Variants in AK7 observed in about 807,000 individuals in gnomAD.
The protein encoded by AK7 is ATP-AMP transphosphorylase 7.
AK7 carries 78 observed loss-of-function variants against 96.6 expected under a neutral mutation model. The ratio of observed to expected loss-of-function variants is 0.81; its 90% CI spans 0.67 to 0.97. The LOEUF (loss-of-function observed/expected upper bound fraction) is 0.97. Ranked by LOEUF, AK7 falls within the 50% of genes least tolerant of loss-of-function variation. AK7 has a pLI of 0.00. For missense variants in AK7, 855 were observed against 887.9 expected (o/e 0.96, Z 0.47); for synonymous variants, 302 against 317.2 (o/e 0.95, Z 0.51).
chr14:96,423,899 A>G (rs1222458542), intron 5 of AK7: 3 of 1,007,524 alleles, frequency 3.0e-6, no homozygotes, highest in Non-Finnish European at 4.7e-6. Flanking sequence ...CCGAGCCCAC[A>G]TAATCCGGAG....
rs769274616 is a variant in AK7 at position 96,408,962 on chromosome 14, C to T, written c.498+21C>T. Reference sequence around the variant, plus strand: ...ACCCCGTAAGTAGAGCGTTAGCTTTCCTTTAGGTAACATTTCAGCCATAAC... The same window carrying T: ...ACCCCGTAAGTAGAGCGTTAGCTTTTCTTTAGGTAACATTTCAGCCATAAC... On this transcript the variant is annotated intron_variant, in intron 4 of 17. Transcript: ENST00000267584. The T allele has an allele frequency of 9.3e-6, 15 of 1,610,494 alleles. No homozygotes were observed. In the East Asian group the frequency reaches 2.9e-4, roughly 31 times the overall value.
chr14:96,433,464 G>T (rs1369753382), intron 5 of AK7, among the ~76,000 whole-genome samples: 2 of 152,032 alleles, frequency 1.3e-5, no homozygotes, highest in African/African-American at 4.8e-5. Context: ...GATCAAATCA[G>T]CTACTGAAGC....
chr14:96,420,789 A>G, intron 4 of AK7, 33 bp from the exon 5 acceptor site: 4 of 1,491,958 alleles, frequency 2.7e-6, no homozygotes, highest in Non-Finnish European at 1.9e-6. Context: ...CTAATTCACC[A>G]AGTCTGTACC....
chr14:96,463,090 T>C (rs1190797627), intron 12 of AK7, among the ~76,000 whole-genome samples: 1 of 151,954 alleles, frequency 6.6e-6, no homozygotes, highest in Admixed American at 6.6e-5. Context: ...TGAGCTGAGA[T>C]TGTGCCATTG....
At chr14:96,448,056 G>A (rs559706799) in intron 8 of AK7, among the ~76,000 whole-genome samples, 2 of 151,256 alleles carry the variant, frequency 1.3e-5, no homozygotes, top group East Asian at 3.9e-4. Flanking sequence ...TTGAGCCCAG[G>A]AGGCAGAGGT....
At chr14:96,411,750 C>G (rs749056264) in intron 4 of AK7, among the ~76,000 whole-genome samples, 1 of 152,152 alleles carries the variant, frequency 6.6e-6, no homozygotes, top group Non-Finnish European at 1.5e-5. Context: ...TTGTCCCCAA[C>G]AAGTCTAATT....
chr14:96,465,244 G>A (rs916124537), intron 12 of AK7, among the ~76,000 whole-genome samples: 3 of 152,094 alleles, frequency 2.0e-5, no homozygotes, highest in African/African-American at 7.2e-5. Flanking sequence ...GGCGGATCAC[G>A]AGGTCAGGAG....
At chr14:96,440,269 G>C (rs758435239) in intron 6 of AK7, among the ~76,000 whole-genome samples, 1 of 152,104 alleles carries the variant, frequency 6.6e-6, no homozygotes, top group African/African-American at 2.4e-5. Flanking sequence ...CACCGTGCCC[G>C]GCCTCGAACT....
intron 4 of AK7, among the ~76,000 whole-genome samples, chr14:96,415,748 T>TAATTAATTTAATACATTAACTAATTA (rs1891297616): frequency 7.5e-6 from 1 of 133,962 alleles, no homozygotes. Context: ...TTAATTAAAT[T>TAATTAATTTAATACATTAACTAATTA]AATTAATTTA....
In AK7 at chr14:96,392,235, C is replaced by T. The variant is rs12891542; in HGVS notation, c.81C>T (p.Ser27=). 1 of 1,613,158 alleles carries T rather than the reference C, an allele frequency of 6.2e-7. No individual in the cohort carries two copies. The highest frequency in any genetic ancestry group is 8.5e-7 in the Non-Finnish European group (1 of 1,179,220). ...GGGTGTTTATAAACCTGTTGGATTC[C>T]TACAGCAGCGGAAACATCGGGAAGG... ...TQRVFINLLD[S]YSSGNIGKFL... is the part of the protein sequence containing the mutation. The change falls in exon 1 of 18, where the codon TCC becomes TCT. Residue 27 remains serine, a synonymous_variant. Transcript: ENST00000267584.
intron 5 of AK7, among the ~76,000 whole-genome samples, chr14:96,430,925 C>T (rs375693786): frequency 6.6e-6 from 1 of 152,110 alleles, no homozygotes; most frequent in African/African-American, 2.4e-5. Flanking sequence ...GGTTGGTAGA[C>T]TATTAATTAT....
intron 3 of AK7, among the ~76,000 whole-genome samples, chr14:96,408,304 G>A (rs935668858): frequency 6.6e-6 from 1 of 152,242 alleles, no homozygotes; most frequent in African/African-American, 2.4e-5. Flanking sequence ...GGTACAGCAT[G>A]GGCCTGGCAC....
chr14:96,465,082 C>G (rs1293934160), intron 12 of AK7, among the ~76,000 whole-genome samples: 1 of 152,156 alleles, frequency 6.6e-6, no homozygotes, highest in South Asian at 2.1e-4. Flanking sequence ...AATTAAACGA[C>G]TATTACACAA....
chr14:96,431,163 A>G (rs751104067), intron 5 of AK7, among the ~76,000 whole-genome samples: 4 of 151,550 alleles, frequency 2.6e-5, no homozygotes, highest in Non-Finnish European at 5.9e-5. Flanking sequence ...TTCTTTATTA[A>G]TCTTGCTAGC....
chr14:96,450,809 C>G lies in AK7; in HGVS notation c.949-612C>G, dbSNP rs556953884. Reference sequence around the variant, plus strand: ...TTTTTTTTTGAGACGGAGTCTCACTCTGTCGTCCAGGCTGGAGTGCAGTGG... The same window carrying G: ...TTTTTTTTTGAGACGGAGTCTCACTGTGTCGTCCAGGCTGGAGTGCAGTGG... On this transcript the variant is annotated intron_variant, in intron 9 of 17. Coordinates refer to ENST00000267584, the MANE Select transcript of AK7 (RefSeq NM_152327.5). Among the ~76,000 whole-genome samples the G allele has an allele frequency of 4.2e-4, 53 of 126,732 alleles. 2 individuals are homozygous for G. The highest frequency in any genetic ancestry group is 7.2e-4 in the Non-Finnish European group (46 of 63,602). The allele number at this position is 126,732 out of a possible 152,430, so 83.1% of individuals were successfully genotyped here. A position where few individuals can be genotyped will look rare whatever the true frequency, so the allele number is the denominator to read the frequency against.
intron 5 of AK7, among the ~76,000 whole-genome samples, chr14:96,433,005 T>A (rs1892445683): frequency 6.6e-6 from 1 of 152,120 alleles, no homozygotes; most frequent in Admixed American, 6.6e-5. Context: ...GCCCCCACTC[T>A]CTTCTGCCTT....
chr14:96,458,280 T>C, intron 12 of AK7, 68 bp downstream of exon 12: 4 of 1,555,538 alleles, frequency 2.6e-6, no homozygotes, highest in Non-Finnish European at 3.5e-6. Context: ...AATCTGGTTA[T>C]AAAAGACTGT....
At position 96,466,451 on chromosome 14, in the gene AK7, G is replaced by A. The variant is rs546002467; in HGVS notation, c.1358-5027G>A. On this transcript the variant is annotated intron_variant, in intron 12 of 17. Transcript: ENST00000267584. ...GACGGGGTTTCACCACGTTAGCCAG[G>A]ATGGTCTCGATCTCCTGACCTCATG... is the stretch of plus-strand genomic sequence containing the variant. Among the ~76,000 whole-genome samples, 10 of 152,096 alleles carry A rather than the reference G, an allele frequency of 6.6e-5. No homozygotes were observed. In the East Asian group the frequency reaches 1.7e-3, roughly 26 times the overall value.
chr14:96,482,380 G>C (rs969268262), intron 15 of AK7, among the ~76,000 whole-genome samples: 1 of 152,174 alleles, frequency 6.6e-6, no homozygotes, highest in Non-Finnish European at 1.5e-5. Context: ...GTTCTCTGCA[G>C]ACACCTTCCA....
Sources: allele counts gnomAD v4.1 joint callset (sites outside exome capture counted in the v4.1 genomes callset), GRCh38; gene constraint gnomAD v4.1.1; transcripts MANE v1.5; gene names NCBI Gene and HGNC (gene_info 2026-07-23, HGNC 2026-07-21).